Variants in GRIN2A observed in about 807,000 individuals in gnomAD.
GRIN2A encodes glutamate receptor ionotropic, NMDA 2A.
A neutral mutation model predicts 113.4 loss-of-function variants in GRIN2A; 22 were observed. The ratio of observed to expected loss-of-function variants is 0.19; its 90% CI spans 0.14 to 0.28. The LOEUF is 0.28. GRIN2A is among the 10% of genes least tolerant of loss of function. The pLI, the probability that GRIN2A is intolerant of heterozygous loss-of-function variation, is 1.00. For missense variants in GRIN2A, 1,502 were observed against 1,887.0 expected, an observed-to-expected ratio of 0.80 and a Z score of 3.78; for synonymous variants, 827 against 738.4, an observed-to-expected ratio of 1.12 and a Z score of -1.94.
chr16:9,781,439 C>T (rs995111455), intron 11 of GRIN2A, among the ~76,000 whole-genome samples: 5 of 152,298 alleles, frequency 3.3e-5, no homozygotes, highest in East Asian at 3.9e-4. Flanking sequence ...CTGCTCTCTG[C>T]AGCCTCAACC....
intron 2 of GRIN2A, among the ~76,000 whole-genome samples, chr16:10,068,783 A>C (rs1290927659): frequency 6.6e-6 from 1 of 152,236 alleles, no homozygotes; most frequent in Non-Finnish European, 1.5e-5. Context: ...ACTAACACCC[A>C]ATCTAGGGTG....
At chr16:9,769,159 T>G in intron 11 of GRIN2A, 70 bp from the exon 12 acceptor site, 1 of 1,216,858 alleles carries the variant, frequency 8.2e-7, no homozygotes, top group South Asian at 1.2e-5. Flanking sequence ...GCTTCTGGGT[T>G]TGGAACAGAC....
chr16:9,870,369 T>C (rs1350267983), intron 4 of GRIN2A, among the ~76,000 whole-genome samples: 5 of 150,668 alleles, frequency 3.3e-5, no homozygotes, highest in African/African-American at 9.8e-5. Context: ...GGGGAAAAAA[T>C]GAAAAGAAAT....
intron 11 of GRIN2A, among the ~76,000 whole-genome samples, chr16:9,797,631 GA>G (rs1024083455): frequency 7.9e-5 from 12 of 152,194 alleles, no homozygotes; most frequent in African/African-American, 2.2e-4. Context: ...ATAAGTCTAG[GA>G]AAGAGTCTTT....
intron 3 of GRIN2A, among the ~76,000 whole-genome samples, chr16:9,920,161 C>G (rs2044331661): frequency 6.6e-6 from 1 of 152,148 alleles, no homozygotes; most frequent in Non-Finnish European, 1.5e-5. Context: ...ACTATAAGGT[C>G]TCACCCATAG....
chr16:9,773,162 A>T (rs150945405), intron 11 of GRIN2A, among the ~76,000 whole-genome samples: 1 of 152,336 alleles, frequency 6.6e-6, no homozygotes, highest in African/African-American at 2.4e-5. Context: ...TGCAGCACGT[A>T]GTGAGCATTG....
intron 2 of GRIN2A, among the ~76,000 whole-genome samples, chr16:10,152,023 G>A (rs1017881250): frequency 5.3e-5 from 8 of 152,116 alleles, no homozygotes; most frequent in Admixed American, 2.0e-4. Context: ...CTTGTCCTTC[G>A]TCCTGAGAAG....
chr16:9,787,161 C>A (rs1273091592), intron 11 of GRIN2A, among the ~76,000 whole-genome samples: 1 of 152,132 alleles, frequency 6.6e-6, no homozygotes, highest in Non-Finnish European at 1.5e-5. Context: ...ATAACAAGAT[C>A]TTTCCCCATT....
intron 2 of GRIN2A, among the ~76,000 whole-genome samples, chr16:9,963,279 T>A (rs1012687150): frequency 1.3e-5 from 2 of 151,836 alleles, no homozygotes; most frequent in Non-Finnish European, 2.9e-5. Context: ...TAAAAAAAAA[T>A]TTTACTCTAA....
rs1329242057 is a variant in GRIN2A at position 10,117,521 on chromosome 16, T to C, written c.414+62477A>G. Among the ~76,000 whole-genome samples the C allele has an allele frequency of 4.7e-4, 8 of 17,156 alleles. No homozygotes were observed. In the South Asian group the frequency reaches 0.21, roughly 460 times the overall value. 11.3% of individuals were successfully genotyped at this position (17,156 alleles called of 152,430 possible). On this transcript the variant is annotated intron_variant, in intron 2 of 12. Transcript: ENST00000330684. ...TTTGGAAAATCATCATAATAAAAAG[T>C]TAATTTGAAAAAAGAATCTCTTTTA...
At chr16:10,002,309 A>G (rs2046333999) in intron 2 of GRIN2A, among the ~76,000 whole-genome samples, 1 of 152,240 alleles carries the variant, frequency 6.6e-6, no homozygotes, top group African/African-American at 2.4e-5. Flanking sequence ...GGAGAAACAG[A>G]ATAATCAAAA....
At chr16:10,168,525 C>G (rs2049969791) in intron 2 of GRIN2A, among the ~76,000 whole-genome samples, 2 of 152,164 alleles carry the variant, frequency 1.3e-5, no homozygotes, top group South Asian at 4.1e-4. Context: ...GCCCAATTTT[C>G]CACCTCATTC....
intron 3 of GRIN2A, among the ~76,000 whole-genome samples, chr16:9,897,346 A>G (rs2043827202): frequency 6.6e-6 from 1 of 152,080 alleles, no homozygotes; most frequent in African/African-American, 2.4e-5. Flanking sequence ...GTGCTCTATG[A>G]ATGGTGATGC....
intron 2 of GRIN2A, among the ~76,000 whole-genome samples, chr16:10,117,037 G>C (rs1482447033): frequency 1.3e-5 from 2 of 149,712 alleles, no homozygotes; most frequent in Admixed American, 6.7e-5. Flanking sequence ...CATAGCTACA[G>C]GGAATATTCT....
chr16:10,019,087 G>A lies in GRIN2A; in HGVS notation c.415-80536C>T, dbSNP rs9889020. ...AAAAAAAAAAAAACTGAATCCCAAC[G>A]TAAGTTTGTGACCTTGAGCAAATTG... On this transcript the variant is annotated intron_variant, in intron 2 of 12. Transcript: ENST00000330684. Among the ~76,000 whole-genome samples, 36 of 147,404 alleles carry A rather than the reference G, an allele frequency of 2.4e-4. 2 individuals carry two copies. In the South Asian group the frequency reaches 7.5e-3, roughly 31 times the overall value.
chr16:9,989,732 A>G (rs1014640167), intron 2 of GRIN2A, among the ~76,000 whole-genome samples: 106 of 152,330 alleles, frequency 7.0e-4, no homozygotes, highest in African/African-American at 2.4e-3. Flanking sequence ...GGACATGAGC[A>G]GACACTTCTC....
chr16:10,000,318 C>T (rs576464171), intron 2 of GRIN2A, among the ~76,000 whole-genome samples: 1 of 152,096 alleles, frequency 6.6e-6, no homozygotes, highest in African/African-American at 2.4e-5. Context: ...TTAACCACTG[C>T]GGCTATTTCT....
At chr16:10,056,498 T>C (rs184091335) in intron 2 of GRIN2A, among the ~76,000 whole-genome samples, 20 of 152,318 alleles carry the variant, frequency 1.3e-4, no homozygotes, top group African/African-American at 4.6e-4. Context: ...ACCACCTGTA[T>C]TGGGTTGAGC....
chr16:9,878,778 T>C (rs2043420814), intron 4 of GRIN2A, among the ~76,000 whole-genome samples: 1 of 152,122 alleles, frequency 6.6e-6, no homozygotes, highest in Non-Finnish European at 1.5e-5. Flanking sequence ...TCAACTGCTG[T>C]TCTTTTTGGA....
Sources: gnomAD v4.1 joint callset for allele counts (sites outside exome capture counted in the v4.1 genomes callset) on GRCh38, gnomAD v4.1.1 for gene constraint, MANE v1.5 for transcripts, NCBI Gene and HGNC (gene_info 2026-07-23, HGNC 2026-07-21) for gene names.